HDAC9: variants seen among roughly 807,000 people sequenced by gnomAD.
HDAC9 encodes MEF-2 interacting transcription repressor (MITR) protein.
A neutral mutation model predicts 139.4 loss-of-function variants in HDAC9; 41 were observed. The ratio of observed to expected loss-of-function variants is 0.29; its 90% CI spans 0.23 to 0.38. The LOEUF is 0.38. Ranked by LOEUF, HDAC9 falls within the 10% of genes least tolerant of loss-of-function variation. HDAC9 has a pLI of 1.00. For synonymous variants in HDAC9, 517 were observed against 476.2 expected (o/e 1.09, Z -1.12); for missense variants, 1,147 against 1,297.0 (o/e 0.88, Z 1.78).
At chr7:18,973,585 G>C (rs1431947587) in intron 24 of HDAC9, among the ~76,000 whole-genome samples, 1 of 152,026 alleles carries the variant, frequency 6.6e-6, no homozygotes, top group African/African-American at 2.4e-5. Context: ...CTGTTCCTTC[G>C]TGAAACAGTA....
rs114269386 is a variant in HDAC9 at position 18,883,873 on chromosome 7, C to A, written c.2803+9277C>A. Among the ~76,000 whole-genome samples the A allele has an allele frequency of 1.1e-3, 164 of 152,006 alleles. 2 individuals carry two copies. Among genetic ancestry groups the A allele is most frequent in the African/African-American group, 4.0e-3 (164 of 41,500 alleles). On this transcript the variant is annotated intron_variant, in intron 22 of 25. Coordinates refer to ENST00000686413, the MANE Select transcript of HDAC9 (RefSeq NM_178425.4). ...GAATATAATATTAACATACAAAAAT[C>A]AATAGCATTTCTGTATACTAACAAT...
At chr7:18,988,321 C>T (rs906828025) in intron 25 of HDAC9, among the ~76,000 whole-genome samples, 6 of 151,822 alleles carry the variant, frequency 4.0e-5, no homozygotes, top group African/African-American at 1.2e-4. Context: ...TCGTTATGTA[C>T]CCAGTAGTCA....
At chr7:18,990,723 G>A (rs896766318) in intron 25 of HDAC9, among the ~76,000 whole-genome samples, 5 of 152,262 alleles carry the variant, frequency 3.3e-5, no homozygotes, top group Admixed American at 6.5e-5. Context: ...AGGACCCTCC[G>A]AGCCATGTGC....
rs529215430 is a variant in HDAC9 at position 18,555,446 on chromosome 7, G to T, written c.23-29835G>T. 4.6e-5 allele frequency among the ~76,000 whole-genome samples: 7 copies of T among 152,294 alleles called. No individual in the cohort carries two copies. The South Asian group carries it at 1.4e-3, about 32-fold the overall frequency. Reference sequence around the variant, plus strand: ...AATTTTGGGACAATTGTGGGGAATTGTGTGTGAATATGATCTGGCTTTTAG... The same window carrying T: ...AATTTTGGGACAATTGTGGGGAATTTTGTGTGAATATGATCTGGCTTTTAG... On this transcript the variant is annotated intron_variant, in intron 2 of 25. Coordinates refer to ENST00000686413, the MANE Select transcript of HDAC9 (RefSeq NM_178425.4).
intron 16 of HDAC9, among the ~76,000 whole-genome samples, chr7:18,771,879 T>C (rs1389044721): frequency 6.6e-6 from 1 of 152,138 alleles, no homozygotes; most frequent in Non-Finnish European, 1.5e-5. Context: ...TGGTCATCTT[T>C]GAAACAAAAC....
At chr7:18,385,175 C>G (rs1490100212) in intron 1 of HDAC9, among the ~76,000 whole-genome samples, 1 of 152,046 alleles carries the variant, frequency 6.6e-6, no homozygotes, top group Non-Finnish European at 1.5e-5. Context: ...GTGTGATAGG[C>G]ACCTTACTGC....
chr7:18,124,174 C>T (rs1784519294), intron 1 of HDAC9, among the ~76,000 whole-genome samples: 1 of 152,130 alleles, frequency 6.6e-6, no homozygotes, highest in African/African-American at 2.4e-5. Flanking sequence ...AGCAGGTGGC[C>T]ACCTTCTGTC....
intron 25 of HDAC9, among the ~76,000 whole-genome samples, chr7:18,990,233 G>T (rs1785767533): frequency 6.6e-6 from 1 of 152,122 alleles, no homozygotes; most frequent in Non-Finnish European, 1.5e-5. Flanking sequence ...TGGGTTTCTG[G>T]TGTGGATGTC....
chr7:18,272,714 G>A (rs1796431466), intron 2 of HDAC9, among the ~76,000 whole-genome samples: 1 of 152,110 alleles, frequency 6.6e-6, no homozygotes, highest in African/African-American at 2.4e-5. Context: ...ATAAGTCAAT[G>A]TTATAAATTT....
At chr7:18,295,920 T>C (rs1798112159) in intron 1 of HDAC9, among the ~76,000 whole-genome samples, 3 of 152,166 alleles carry the variant, frequency 2.0e-5, no homozygotes, top group Admixed American at 6.5e-5. Flanking sequence ...GCCCCAAATG[T>C]CAATGGCTGA....
At chr7:18,516,903 C>G (rs1057217679) in intron 2 of HDAC9, among the ~76,000 whole-genome samples, 36 of 148,026 alleles carry the variant, frequency 2.4e-4, no homozygotes, top group African/African-American at 7.7e-4. Context: ...ATACATTGAG[C>G]ATCTGATCTG....
At chr7:18,692,737 C>A (rs760874293) in intron 12 of HDAC9, among the ~76,000 whole-genome samples, 1 of 152,130 alleles carries the variant, frequency 6.6e-6, no homozygotes, top group East Asian at 1.9e-4. Context: ...ATAAACAGGG[C>A]TCTGACAATC....
intron 2 of HDAC9, among the ~76,000 whole-genome samples, chr7:18,237,433 G>A (rs959685329): frequency 5.9e-5 from 9 of 152,080 alleles, no homozygotes; most frequent in African/African-American, 2.2e-4. Context: ...CATGGTACTG[G>A]GGTATTGGTT....
At chr7:18,989,159 C>T (rs1456626212) in intron 25 of HDAC9, among the ~76,000 whole-genome samples, 447 of 148,140 alleles carry the variant, frequency 3.0e-3, no homozygotes, top group African/African-American at 0.01. Context: ...TTCCTAGTCT[C>T]GATGGTCTTT....
chr7:18,865,584 C>A (rs1276550341), intron 21 of HDAC9, among the ~76,000 whole-genome samples: 2 of 151,998 alleles, frequency 1.3e-5, no homozygotes, highest in Non-Finnish European at 2.9e-5. Context: ...TCATTTAGTG[C>A]CCCCCACAAG....
At chr7:18,462,514 C>A (rs1793935335) in intron 1 of HDAC9, among the ~76,000 whole-genome samples, 1 of 151,948 alleles carries the variant, frequency 6.6e-6, no homozygotes, top group Non-Finnish European at 1.5e-5. Flanking sequence ...AGCAAGCAAG[C>A]CCCCAACCCC....
intron 1 of HDAC9, among the ~76,000 whole-genome samples, chr7:18,439,551 C>A (rs1043884672): frequency 6.6e-6 from 1 of 152,118 alleles, no homozygotes; most frequent in Admixed American, 6.5e-5. Flanking sequence ...TTCCCCGATT[C>A]ATTACTCGAA....
At chr7:18,205,708 T>C (rs1242959410) in intron 2 of HDAC9, among the ~76,000 whole-genome samples, 1 of 152,144 alleles carries the variant, frequency 6.6e-6, no homozygotes, top group African/African-American at 2.4e-5. Context: ...GTCTGTTTCA[T>C]CTTTTTAATT....
chr7:18,575,107 A>G (rs1475957679), intron 2 of HDAC9, among the ~76,000 whole-genome samples: 1 of 152,144 alleles, frequency 6.6e-6, no homozygotes, highest in African/African-American at 2.4e-5. Flanking sequence ...CCCATTTTCT[A>G]TTTTTGGTGA....
Sources: gnomAD v4.1 joint callset for allele counts (sites outside exome capture counted in the v4.1 genomes callset) on GRCh38, gnomAD v4.1.1 for gene constraint, MANE v1.5 for transcripts, NCBI Gene and HGNC (gene_info 2026-07-23, HGNC 2026-07-21) for gene names.